PTPRS: variants seen among roughly 807,000 people sequenced by gnomAD.
The protein encoded by PTPRS is protein tyrosine phosphatase receptor type S.
A neutral mutation model predicts 215.3 loss-of-function variants in PTPRS; 63 were observed. That is an observed-to-expected ratio of 0.29 (90% CI 0.24 to 0.36). PTPRS has a LOEUF of 0.36. Among genes scored for constraint, PTPRS ranks in the 10% least tolerant of loss-of-function variants. The pLI is 1.00. For synonymous variants in PTPRS, 1,404 were observed against 1,191.4 expected, an observed-to-expected ratio of 1.18 and a Z score of -3.68; for missense variants, 2,258 against 2,825.8, an observed-to-expected ratio of 0.80 and a Z score of 4.56.
intron 19 of PTPRS, 39 bp downstream of exon 19, chr19:5,222,084 C>G (rs1599454728): frequency 6.6e-6 from 10 of 1,503,984 alleles, no homozygotes; most frequent in Non-Finnish European, 9.2e-6. Context: ...CAACCCCTGA[C>G]CCTGCCTGCC....
chr19:5,269,738 T>A (rs1388521986), intron 4 of PTPRS, among the ~76,000 whole-genome samples: 2 of 151,944 alleles, frequency 1.3e-5, no homozygotes, highest in South Asian at 4.2e-4. Flanking sequence ...CTGACCAACA[T>A]GGCGAAACAC....
rs747037553 is a variant in PTPRS at position 5,212,220 on chromosome 19, G to A, written c.4800C>T (p.Ile1600=). Reference sequence around the variant, plus strand: ...TCCGCTCAAGCATGGCGTCGATGACGATAAAGCAGCCTGTGCGGCCCACAC... The same window carrying A: ...TCCGCTCAAGCATGGCGTCGATGACAATAAAGCAGCCTGTGCGGCCCACAC... ...SAGVGRTGCF[I]VIDAMLERIK... The change falls in exon 32 of 38, where the codon ATC becomes ATT. Residue 1600 remains isoleucine, a synonymous_variant. Coordinates refer to ENST00000262963, the MANE Select transcript of PTPRS (RefSeq NM_002850.4). The A allele has an allele frequency of 1.5e-5, 24 of 1,612,498 alleles. No homozygotes were observed. Among genetic ancestry groups the A allele is most frequent in the South Asian group, 4.4e-5 (4 of 91,084 alleles).
At position 5,286,134 on chromosome 19, in the gene PTPRS, G is replaced by A; in HGVS notation, c.7C>T (p.Pro3Ser). The change falls in exon 2 of 38, where the codon CCC becomes TCC. Residue 3 changes from proline to serine, a missense_variant. Around this residue, in one of 6 missense-constraint regions of PTPRS, gnomAD observed 508 missense variants for 799.4 expected, o/e 0.64. Transcript: ENST00000262963. ...GACACCATGCCAGGGCCCCAGGTGG[G>A]CGCCATGCTTGGCAGCGACCTCCGA... is the stretch of plus-strand genomic sequence containing the variant. MAPTWGPGMVSVV... is the reference protein window; with the variant it reads MASTWGPGMVSVV... 6.2e-7 allele frequency: 1 copy of A among 1,613,964 alleles called. No individual in the cohort carries two copies. The highest frequency in any genetic ancestry group is 8.5e-7 in the Non-Finnish European group (1 of 1,179,968).
At chr19:5,279,919 G>A (rs528201728) in intron 2 of PTPRS, among the ~76,000 whole-genome samples, 5 of 152,182 alleles carry the variant, frequency 3.3e-5, no homozygotes, top group Admixed American at 2.6e-4. Context: ...TCCTGACCTC[G>A]TGATCCACCC....
At position 5,215,507 on chromosome 19, in the gene PTPRS, C is replaced by A. The variant is rs2041343937; in HGVS notation, c.4185G>T (p.Gln1395His). ...GCGGGGGTGGGCTCACCTCATACTC[C>A]TGGGAGAGCTTGAGGCTGTCGTTGG... is the stretch of plus-strand genomic sequence containing the variant. ...LKANDSLKLSQEYESIDPGQQ... is the reference protein window; with the variant it reads ...LKANDSLKLSHEYESIDPGQQ... The change falls in exon 27 of 38, where the codon CAG becomes CAT. Residue 1395 changes from glutamine to histidine, a missense_variant. Physicochemically the swap from Gln to His is conservative, Grantham distance 24 (BLOSUM62 0). Coordinates refer to ENST00000262963, the MANE Select transcript of PTPRS (RefSeq NM_002850.4). The A allele has an allele frequency of 6.2e-7, 1 of 1,611,312 alleles. No homozygotes were observed. Among genetic ancestry groups the A allele is most frequent in the Admixed American group, 1.7e-5 (1 of 59,960 alleles).
At chr19:5,222,026 C>A in intron 19 of PTPRS, 97 bp downstream of exon 19, 1 of 978,950 alleles carries the variant, frequency 1.0e-6, no homozygotes, top group Non-Finnish European at 1.6e-6. Flanking sequence ...AGCCCTGATC[C>A]CTCACTTCAC....
intron 37 of PTPRS, 134 bp from the exon 38 acceptor site, chr19:5,206,976 G>T (rs558502757): frequency 4.7e-5 from 34 of 728,778 alleles, no homozygotes; most frequent in Admixed American, 4.4e-4. Context: ...TGGCCCCCAC[G>T]GCCCTCCCAC....
intron 1 of PTPRS, among the ~76,000 whole-genome samples, chr19:5,317,281 G>C (rs763951707): frequency 6.6e-6 from 1 of 152,102 alleles, no homozygotes; most frequent in Non-Finnish European, 1.5e-5. Flanking sequence ...AGACCAGCCC[G>C]GCCAACATGG....
intron 16 of PTPRS, among the ~76,000 whole-genome samples, chr19:5,226,287 C>T (rs889739849): frequency 1.3e-5 from 2 of 152,248 alleles, no homozygotes; most frequent in Non-Finnish European, 2.9e-5. Context: ...GCACCAGGCA[C>T]AGCCTGCCTC....
chr19:5,207,172 T>C (rs12977388), intron 37 of PTPRS, among the ~76,000 whole-genome samples: 126,684 of 152,294 alleles, frequency 0.83, 53,298 homozygotes, highest in African/African-American at 0.96. Flanking sequence ...GCAACCTCTG[T>C]CTCCTGGGTT....
At chr19:5,324,641 C>G (rs767804528) in intron 1 of PTPRS, among the ~76,000 whole-genome samples, 3 of 152,172 alleles carry the variant, frequency 2.0e-5, no homozygotes, top group Non-Finnish European at 4.4e-5. Flanking sequence ...GGGGTCAGCC[C>G]AATCCTAACT....
chr19:5,288,906 C>T (rs568831161), intron 1 of PTPRS, among the ~76,000 whole-genome samples: 87 of 152,338 alleles, frequency 5.7e-4, no homozygotes, highest in Middle Eastern at 6.8e-3. Flanking sequence ...CTGATGTCTG[C>T]GCAGGATGGG....
In PTPRS at chr19:5,244,482, G is replaced by C. The variant is rs199586806; in HGVS notation, c.989C>G (p.Ser330Cys). The change falls in exon 11 of 38, where the codon TCT (serine) becomes TGT (cysteine). Residue 330 changes from serine to cysteine, a missense_variant and splice_region_variant. Ser to Cys is a moderately radical substitution (Grantham distance 112). Coordinates refer to ENST00000262963, the MANE Select transcript of PTPRS (RefSeq NM_002850.4). This position sits in a 1 kb window ranked among gnomAD's most constrained non-coding sequence, Gnocchi z 7.2. ...GGGAGTCCCGGGAGCTTTGGGGAGA[G>C]CTGTGGGCAGGAGGCAGCTGTGTCA... The part of the protein sequence containing the change: ...IEAVAQITVK[S>C]LPKAPGTPMV... The C allele has an allele frequency of 9.9e-6, 16 of 1,612,306 alleles. No individual in the cohort carries two copies. The African/African-American group carries it at 1.7e-4, about 17-fold the overall frequency.
chr19:5,246,438 G>C (rs1031536944), intron 9 of PTPRS, among the ~76,000 whole-genome samples: 1 of 152,168 alleles, frequency 6.6e-6, no homozygotes, highest in South Asian at 2.1e-4. Flanking sequence ...GCACAGATAC[G>C]AACACAAAAA....
At position 5,206,274 on chromosome 19, in the gene PTPRS, T is replaced by A. The variant is rs2040360831; in HGVS notation, c.*500A>T. On this transcript the variant is annotated 3_prime_UTR_variant, in exon 38 of 38. Coordinates refer to ENST00000262963, the MANE Select transcript of PTPRS (RefSeq NM_002850.4). ...TTAAAAAAAAAAATGGAAAAAAAAATACACTATTTAAAAAAAATGAAATGT... is the reference window on the plus strand; with the variant it reads ...TTAAAAAAAAAAATGGAAAAAAAAAAACACTATTTAAAAAAAATGAAATGT... 2 of 218,462 alleles carry A rather than the reference T, an allele frequency of 9.2e-6. No individual in the cohort carries two copies. Among genetic ancestry groups the A allele is most frequent in the African/African-American group, 4.7e-5 (2 of 42,984 alleles). 13.5% of individuals were successfully genotyped at this position (218,462 alleles called of 1,614,324 possible). A position where few individuals can be genotyped will look rare whatever the true frequency, so the allele number is the denominator to read the frequency against.
In PTPRS at chr19:5,205,932, G is replaced by T. The variant is rs2040330626; in HGVS notation, c.*842C>A. The stretch of plus-strand genomic sequence containing the variant: ...CCCCCATGACCTTACCCTCAGAACT[G>T]TATTTGATATGTCTGAAAATTTAAT... On this transcript the variant is annotated 3_prime_UTR_variant, in exon 38 of 38. Coordinates refer to ENST00000262963, the MANE Select transcript of PTPRS (RefSeq NM_002850.4). Among the ~76,000 whole-genome samples the T allele has an allele frequency of 6.6e-6, 1 of 151,376 alleles. No individual in the cohort carries two copies. Among genetic ancestry groups the T allele is most frequent in the African/African-American group, 2.4e-5 (1 of 41,124 alleles).
chr19:5,225,624 A>C, intron 17 of PTPRS, 103 bp downstream of exon 17: 2 of 1,013,798 alleles, frequency 2.0e-6, no homozygotes, highest in Admixed American at 3.5e-5. Flanking sequence ...TGCCTGGTGC[A>C]CCCTCTGCCT....
At chr19:5,214,254 CTT>C in intron 30 of PTPRS, 105 bp downstream of exon 30, 2 of 1,497,866 alleles carry the variant, frequency 1.3e-6, no homozygotes, top group South Asian at 2.5e-5. Flanking sequence ...ACACGCTCCG[CTT>C]TCTCTCTGTC....
chr19:5,248,629 C>T (rs1005384772), intron 9 of PTPRS, among the ~76,000 whole-genome samples: 7 of 152,230 alleles, frequency 4.6e-5, no homozygotes, highest in Non-Finnish European at 8.8e-5. Flanking sequence ...TCTAAAGCCC[C>T]TCTCAGTCCA....
Sources: allele counts gnomAD v4.1 joint callset (sites outside exome capture counted in the v4.1 genomes callset), GRCh38; gene constraint gnomAD v4.1.1; regional missense constraint gnomAD v4.1.1; non-coding constraint Gnocchi (gnomAD v3.1); transcripts MANE v1.5; gene names NCBI Gene and HGNC (gene_info 2026-07-23, HGNC 2026-07-21).